SATL1: variants seen among roughly 807,000 people sequenced by gnomAD.
The protein encoded by SATL1 is spermidine/spermine N1-acetyl transferase like 1, also known as spermidine/spermine N(1)-acetyltransferase-like protein 1.
A neutral mutation model predicts 51.8 loss-of-function variants in SATL1; 47 were observed. The observed-to-expected ratio is 0.91, with a 90% CI of 0.72 to 1.16. The LOEUF (loss-of-function observed/expected upper bound fraction) is 1.16, where lower values mean the gene tolerates loss of function less well. SATL1 is among the 50% of genes most tolerant of loss of function. The pLI is 0.00. For synonymous variants in SATL1, 176 were observed against 182.4 expected (o/e 0.97, Z 0.28); for missense variants, 520 against 526.4 (o/e 0.99, Z 0.12).
chrX:85,148,887 C>A (rs1173355343), intron 2 of SATL1, among the ~76,000 whole-genome samples: 1 of 111,096 alleles, frequency 9.0e-6, no homozygotes, highest in African/African-American at 3.3e-5. Context: ...GCCATCGAGA[C>A]TAGGAAGAAA....
intron 1 of SATL1, among the ~76,000 whole-genome samples, chrX:85,238,148 T>C (rs1298500106): frequency 9.0e-6 from 1 of 111,467 alleles, no homozygotes; most frequent in African/African-American, 3.3e-5. Flanking sequence ...AAGAACACTT[T>C]GGAGGTTCCT....
At chrX:85,237,078 T>A (rs1259640480) in intron 1 of SATL1, among the ~76,000 whole-genome samples, 1 of 111,010 alleles carries the variant, frequency 9.0e-6, no homozygotes, top group Non-Finnish European at 1.9e-5. Flanking sequence ...TACCTAGGAA[T>A]TAATGAACTA....
At chrX:85,179,872 ATCT>A (rs1009986572) in intron 2 of SATL1, among the ~76,000 whole-genome samples, 1 of 109,710 alleles carries the variant, frequency 9.1e-6, no homozygotes, top group African/African-American at 3.3e-5. Context: ...TAGAAGTTCA[ATCT>A]TCTTTCTACT....
chrX:85,155,860 G>A (rs1339921257), intron 2 of SATL1, among the ~76,000 whole-genome samples: 1 of 111,253 alleles, frequency 9.0e-6, no homozygotes, highest in Non-Finnish European at 1.9e-5. Flanking sequence ...TACCTTGCAG[G>A]CTTTTTGTAA....
chrX:85,108,739 G>T lies in SATL1; in HGVS notation c.230C>A (p.Pro77Gln). 8.3e-7 allele frequency: 1 copy of T among 1,208,307 alleles called. No homozygotes were observed. The highest frequency in any genetic ancestry group is 1.7e-5 in the African/African-American group (1 of 57,779). Reference sequence around the variant, plus strand: ...GCTCCTACCTAATTGCCATGTGTCTGGTTGTTTCATGTCGGGTTGGTTTAT... The same window carrying T: ...GCTCCTACCTAATTGCCATGTGTCTTGTTGTTTCATGTCGGGTTGGTTTAT... ...PDINQPDMKQ[P>Q]DTWQLGRSQP... is the part of the protein sequence containing the mutation. The change falls in exon 3 of 8, where the codon CCA (proline) becomes CAA (glutamine). Residue 77 changes from proline to glutamine, a missense_variant. By Grantham distance (76) the Pro-to-Gln change is moderately conservative. This residue lies in a region of SATL1 where 488 missense variants were observed against 474.3 expected (regional missense o/e 1.03). Coordinates refer to ENST00000644105, the MANE Select transcript of SATL1 (RefSeq NM_001367857.2).
intron 2 of SATL1, among the ~76,000 whole-genome samples, chrX:85,193,612 T>C (rs1031285354): frequency 8.9e-6 from 1 of 111,863 alleles, no homozygotes; most frequent in Non-Finnish European, 1.9e-5. Context: ...GATTATTTCA[T>C]CACTCAGGTA....
intron 2 of SATL1, among the ~76,000 whole-genome samples, chrX:85,217,034 G>A (rs959708719): frequency 3.6e-5 from 4 of 111,927 alleles, no homozygotes; most frequent in East Asian, 2.8e-4. Context: ...CAACCAATTC[G>A]TTAAACCTAC....
chrX:85,221,146 C>T (rs1454230805), intron 2 of SATL1, among the ~76,000 whole-genome samples: 1 of 111,530 alleles, frequency 9.0e-6, no homozygotes, highest in Admixed American at 9.5e-5. Flanking sequence ...AAGTTCTCAC[C>T]ATGGATCACA....
intron 2 of SATL1, among the ~76,000 whole-genome samples, chrX:85,110,732 A>T (rs753080699): frequency 8.9e-6 from 1 of 112,383 alleles, no homozygotes; most frequent in Non-Finnish European, 1.9e-5. Context: ...AGCCCATCTT[A>T]GCATGACAAG....
chrX:85,129,854 G>T (rs1217664643), intron 2 of SATL1, among the ~76,000 whole-genome samples: 1 of 111,589 alleles, frequency 9.0e-6, no homozygotes, highest in East Asian at 2.8e-4. Flanking sequence ...TTTTTAGCAT[G>T]AAGGTCTGTT....
intron 2 of SATL1, among the ~76,000 whole-genome samples, chrX:85,223,167 C>T (rs1041242527): frequency 1.8e-5 from 2 of 111,208 alleles, no homozygotes; most frequent in African/African-American, 6.5e-5. Flanking sequence ...TATGACTGGC[C>T]TAGTAGTATG....
chrX:85,214,312 A>G (rs66956505), intron 2 of SATL1, among the ~76,000 whole-genome samples: 14,153 of 110,240 alleles, frequency 0.13, 707 homozygotes, highest in South Asian at 0.18. Flanking sequence ...ATACAAGGAG[A>G]TTTCCAGGCT....
chrX:85,232,640 G>T (rs1281002443), intron 1 of SATL1, among the ~76,000 whole-genome samples: 1 of 111,941 alleles, frequency 8.9e-6, no homozygotes, highest in Non-Finnish European at 1.9e-5. Context: ...AGCGAACATT[G>T]GTGGTGTCTA....
chrX:85,112,283 T>C (rs1200274576), intron 2 of SATL1, among the ~76,000 whole-genome samples: 1 of 110,152 alleles, frequency 9.1e-6, no homozygotes, highest in African/African-American at 3.3e-5. Context: ...ACCTGGGAGG[T>C]GGAGGTTGCA....
intron 2 of SATL1, among the ~76,000 whole-genome samples, chrX:85,222,042 T>G (rs6623246): frequency 0.24 from 26,712 of 110,805 alleles, 3,386 homozygotes; most frequent in African/African-American, 0.49. Context: ...TATTGTAAGT[T>G]CTAGAGTCAG....
chrX:85,208,382 G>A (rs1397909700), intron 2 of SATL1, among the ~76,000 whole-genome samples: 1 of 111,464 alleles, frequency 9.0e-6, no homozygotes, highest in Non-Finnish European at 1.9e-5. Flanking sequence ...TGTCTTTGTA[G>A]CAGCATGATT....
chrX:85,242,246 A>G (rs940855158), intron 1 of SATL1, among the ~76,000 whole-genome samples: 3 of 112,446 alleles, frequency 2.7e-5, no homozygotes, highest in Non-Finnish European at 5.6e-5. Context: ...TGGAATTGCC[A>G]TGGGACAAGA....
At chrX:85,168,382 T>C (rs181247279) in intron 2 of SATL1, among the ~76,000 whole-genome samples, 2 of 111,674 alleles carry the variant, frequency 1.8e-5, no homozygotes, top group East Asian at 2.8e-4. Context: ...TAAAGTTCCA[T>C]AGTCTCAGCC....
intron 2 of SATL1, among the ~76,000 whole-genome samples, chrX:85,190,443 T>C (rs773969099): frequency 4.5e-5 from 5 of 111,882 alleles, no homozygotes; most frequent in African/African-American, 1.6e-4. Flanking sequence ...CACTTTCTTT[T>C]TTCCCACTAA....
Sources: gnomAD v4.1 joint callset for allele counts (sites outside exome capture counted in the v4.1 genomes callset) on GRCh38, gnomAD v4.1.1 for gene constraint, gnomAD v4.1.1 regional missense constraint, MANE v1.5 for transcripts, NCBI Gene and HGNC (gene_info 2026-07-23, HGNC 2026-07-21) for gene names.